SPIN1: variants seen among roughly 807,000 people sequenced by gnomAD.
SPIN1 encodes spindlin-1.
A neutral mutation model predicts 26.0 loss-of-function variants in SPIN1; 3 were observed. The observed-to-expected ratio is 0.12, with a 90% confidence interval of 0.05 to 0.30. The LOEUF (loss-of-function observed/expected upper bound fraction) is 0.30. SPIN1 is among the 10% of genes least tolerant of loss of function. The pLI, the probability that SPIN1 is intolerant of heterozygous loss-of-function variation, is 1.00. For missense variants in SPIN1, 126 were observed against 333.4 expected (o/e 0.38, Z 4.84); for synonymous variants, 101 against 116.5 (o/e 0.87, Z 0.86).
intron 2 of SPIN1, among the ~76,000 whole-genome samples, chr9:88,436,291 T>C (rs1273104259): frequency 2.0e-5 from 3 of 152,222 alleles, no homozygotes; most frequent in Non-Finnish European, 4.4e-5. Context: ...TTTTAAACTT[T>C]ACAATCTTTC....
At chr9:88,437,518 A>G (rs1828029734) in intron 2 of SPIN1, among the ~76,000 whole-genome samples, 2 of 143,674 alleles carry the variant, frequency 1.4e-5, no homozygotes, top group Admixed American at 6.8e-5. Context: ...AAAAAGAAGG[A>G]AAGAAACAAC....
intron 1 of SPIN1, among the ~76,000 whole-genome samples, chr9:88,425,289 G>A (rs1827743509): frequency 1.3e-5 from 2 of 152,118 alleles, no homozygotes. Flanking sequence ...GCAACCAGTT[G>A]TCCTGATAGC....
Position 88,477,737 on chromosome 9 carries a change from T to C in SPIN1, c.*2460T>C, listed in dbSNP as rs1828913041. 1 of 152,626 alleles carries C rather than the reference T, an allele frequency of 6.6e-6. No homozygotes were observed. The highest frequency in any genetic ancestry group is 1.5e-5 in the Non-Finnish European group (1 of 68,038). 9.5% of individuals were successfully genotyped at this position (152,626 alleles called of 1,614,324 possible). A position where few individuals can be genotyped will look rare whatever the true frequency, so the allele number is the denominator to read the frequency against. ...GTTCCTTGTTCCAGGAATTCAACAT[T>C]AATTTCCAAAAGTATCATGGGACTT... On this transcript the variant is annotated 3_prime_UTR_variant, in exon 6 of 6. Coordinates refer to ENST00000375859, the MANE Select transcript of SPIN1 (RefSeq NM_006717.3).
chr9:88,404,104 AAC>A (rs1267206596), intron 1 of SPIN1, among the ~76,000 whole-genome samples: 1 of 152,206 alleles, frequency 6.6e-6, no homozygotes, highest in African/African-American at 2.4e-5. Context: ...TATGTATGTA[AAC>A]ACAGAGAAAG....
intron 2 of SPIN1, among the ~76,000 whole-genome samples, chr9:88,436,981 G>T (rs1158257784): frequency 6.6e-6 from 1 of 151,592 alleles, no homozygotes; most frequent in African/African-American, 2.4e-5. Flanking sequence ...TAGCCGGGAT[G>T]GTCTCGATCT....
intron 2 of SPIN1, among the ~76,000 whole-genome samples, chr9:88,426,823 G>A (rs529225397): frequency 7.9e-5 from 12 of 152,302 alleles, no homozygotes; most frequent in South Asian, 2.1e-4. Context: ...AGTAAATTTA[G>A]CAAGTGAATT....
At chr9:88,454,367 A>G (rs1340211924) in intron 3 of SPIN1, among the ~76,000 whole-genome samples, 1 of 152,230 alleles carries the variant, frequency 6.6e-6, no homozygotes, top group Admixed American at 6.5e-5. Context: ...TCTTAGACTG[A>G]ATGATCCAGA....
intron 1 of SPIN1, among the ~76,000 whole-genome samples, chr9:88,420,562 G>A (rs1827649703): frequency 6.6e-6 from 1 of 152,152 alleles, no homozygotes; most frequent in South Asian, 2.1e-4. Context: ...ATACAAGGTT[G>A]GTTTATGAGT....
chr9:88,416,936 T>C (rs1827578260), intron 1 of SPIN1, among the ~76,000 whole-genome samples: 2 of 152,252 alleles, frequency 1.3e-5, no homozygotes, highest in African/African-American at 4.8e-5. Flanking sequence ...AATGAAATTT[T>C]CTACACATAG....
intron 1 of SPIN1, among the ~76,000 whole-genome samples, chr9:88,392,111 GAAA>G (rs1826935780): frequency 6.6e-6 from 1 of 152,144 alleles, no homozygotes; most frequent in Admixed American, 6.5e-5. Context: ...TACAGTTCCT[GAAA>G]TACAGCAGCT....
chr9:88,406,737 G>A (rs771235069), intron 1 of SPIN1, among the ~76,000 whole-genome samples: 1 of 151,940 alleles, frequency 6.6e-6, no homozygotes, highest in Non-Finnish European at 1.5e-5. Context: ...ACCTTTTCCT[G>A]TCCTTTCTTG....
chr9:88,388,694 C>T (rs1315913991), intron 1 of SPIN1, among the ~76,000 whole-genome samples, 156 bp downstream of exon 1: 1 of 148,348 alleles, frequency 6.7e-6, no homozygotes, highest in East Asian at 2.0e-4. Flanking sequence ...GCGCCCCCTG[C>T]CGGCTGGGCC....
At chr9:88,438,892 CACA>C (rs1223840233) in intron 2 of SPIN1, among the ~76,000 whole-genome samples, 1 of 152,136 alleles carries the variant, frequency 6.6e-6, no homozygotes, top group Non-Finnish European at 1.5e-5. Flanking sequence ...GCATTTGTAA[CACA>C]ACAAGAAACC....
chr9:88,467,845 TA>T lies in SPIN1; in HGVS notation c.356-515del, dbSNP rs755421414. On this transcript the variant is annotated intron_variant, in intron 4 of 5. Transcript: ENST00000375859. ...GAAGGAAAACAAACACCAATTTCTT[TA>T]AAAAAAAAAAACAAAAAAAAAACCC... Among the ~76,000 whole-genome samples, 1,083 of 132,326 alleles carry T rather than the reference TA, an allele frequency of 8.2e-3. 12 individuals are homozygous for T. The highest frequency in any genetic ancestry group is 0.027 in the African/African-American group (983 of 35,892). The allele number at this position is 132,326 out of a possible 152,430, so 86.8% of individuals were successfully genotyped here. A position where few individuals can be genotyped will look rare whatever the true frequency, so the allele number is the denominator to read the frequency against.
intron 3 of SPIN1, among the ~76,000 whole-genome samples, chr9:88,453,086 G>T (rs1197762525): frequency 6.6e-6 from 1 of 152,106 alleles, no homozygotes; most frequent in African/African-American, 2.4e-5. Context: ...GGAAGTCTAG[G>T]TAAAAAGATG....
chr9:88,463,485 AAAT>A (rs1405207849), intron 4 of SPIN1, among the ~76,000 whole-genome samples: 3 of 152,204 alleles, frequency 2.0e-5, no homozygotes, highest in African/African-American at 7.2e-5. Flanking sequence ...CTATACCATT[AAAT>A]AATAAAGTTT....
intron 2 of SPIN1, among the ~76,000 whole-genome samples, chr9:88,428,312 G>C (rs1025267272): frequency 1.3e-5 from 2 of 152,172 alleles, no homozygotes; most frequent in African/African-American, 2.4e-5. Flanking sequence ...CCAGCAGGAA[G>C]TTTTTCAGCC....
At chr9:88,419,623 T>C (rs1827634624) in intron 1 of SPIN1, among the ~76,000 whole-genome samples, 1 of 152,248 alleles carries the variant, frequency 6.6e-6, no homozygotes, top group Admixed American at 6.5e-5. Flanking sequence ...AAATCCAGCA[T>C]CTTTTTTTCT....
At chr9:88,442,203 T>C (rs1193255721) in intron 2 of SPIN1, among the ~76,000 whole-genome samples, 2 of 151,908 alleles carry the variant, frequency 1.3e-5, no homozygotes, top group Admixed American at 1.3e-4. Context: ...TTTTTGTTTG[T>C]GTGAGAAAGG....
Sources: gnomAD v4.1 joint callset for allele counts (sites outside exome capture counted in the v4.1 genomes callset) on GRCh38, gnomAD v4.1.1 for gene constraint, MANE v1.5 for transcripts, NCBI Gene and HGNC (gene_info 2026-07-23, HGNC 2026-07-21) for gene names.